The following AUTS2 variants were observed in gnomAD, a reference collection of about 807,000 sequenced individuals.
The protein encoded by AUTS2 is activator of transcription and developmental regulator AUTS2.
A neutral mutation model predicts 112.4 loss-of-function variants in AUTS2; 17 were observed. That is an observed-to-expected ratio of 0.15 (90% CI 0.10 to 0.23). The LOEUF (loss-of-function observed/expected upper bound fraction) is 0.23, where lower values mean the gene tolerates loss of function less well. Among genes scored for constraint, AUTS2 ranks in the 10% least tolerant of loss-of-function variants. The pLI is 1.00. For missense variants in AUTS2, 1,510 were observed against 1,701.6 expected, an observed-to-expected ratio of 0.89 and a Z score of 1.98; for synonymous variants, 751 against 702.7, an observed-to-expected ratio of 1.07 and a Z score of -1.09.
At chr7:70,294,872 G>A (rs1034886779) in intron 4 of AUTS2, among the ~76,000 whole-genome samples, 5 of 151,462 alleles carry the variant, frequency 3.3e-5, no homozygotes, top group East Asian at 4.0e-4. Context: ...CCACAGAAAC[G>A]TAGCAGTTGA....
At chr7:70,075,950 C>G (rs1381160742) in intron 2 of AUTS2, among the ~76,000 whole-genome samples, 2 of 152,184 alleles carry the variant, frequency 1.3e-5, no homozygotes, top group African/African-American at 4.8e-5. Flanking sequence ...CATACAGTCT[C>G]TGGTACAGCT....
intron 1 of AUTS2, among the ~76,000 whole-genome samples, chr7:69,765,363 C>T (rs1437880459): frequency 6.6e-6 from 1 of 152,198 alleles, no homozygotes. Context: ...GAATTCAAAG[C>T]GGGTGTATTC....
chr7:69,893,170 G>C (rs1184387307), intron 1 of AUTS2, among the ~76,000 whole-genome samples: 1 of 152,150 alleles, frequency 6.6e-6, no homozygotes, highest in Non-Finnish European at 1.5e-5. Flanking sequence ...TAAAAGATGT[G>C]AATCTTAGGG....
intron 4 of AUTS2, among the ~76,000 whole-genome samples, chr7:70,141,064 G>A (rs1186524791): frequency 6.6e-6 from 1 of 152,162 alleles, no homozygotes; most frequent in African/African-American, 2.4e-5. Context: ...AAATGTAGCA[G>A]GCTTAAATTG....
chr7:69,732,965 G>GTGTTTAAGGAA (rs1786864575), intron 1 of AUTS2, among the ~76,000 whole-genome samples: 1 of 152,174 alleles, frequency 6.6e-6, no homozygotes, highest in Non-Finnish European at 1.5e-5. Flanking sequence ...CTTGAACATA[G>GTGTTTAAGGAA]ATTGGTGTTT....
chr7:70,051,964 T>C (rs1801774798), intron 2 of AUTS2, among the ~76,000 whole-genome samples: 1 of 152,184 alleles, frequency 6.6e-6, no homozygotes, highest in Non-Finnish European at 1.5e-5. Flanking sequence ...ACAGCCATTG[T>C]GTGGATTTAA....
Position 70,154,102 on chromosome 7 carries a change from C to G in AUTS2, c.660+19531C>G, listed in dbSNP as rs1028946982. ...ACCTTTGATGAAAATATTCCCAGTACTTCTTTAAAGCAGACATCCAACTGT... is the reference window on the plus strand; with the variant it reads ...ACCTTTGATGAAAATATTCCCAGTAGTTCTTTAAAGCAGACATCCAACTGT... On this transcript the variant is annotated intron_variant, in intron 4 of 18. Transcript: ENST00000342771. Among the ~76,000 whole-genome samples the G allele has an allele frequency of 5.9e-5, 9 of 152,294 alleles. No individual in the cohort carries two copies. In the South Asian group the frequency reaches 1.0e-3, roughly 18 times the overall value.
intron 4 of AUTS2, among the ~76,000 whole-genome samples, chr7:70,173,746 A>C (rs1353660815): frequency 6.6e-6 from 1 of 152,106 alleles, no homozygotes; most frequent in African/African-American, 2.4e-5. Context: ...TTTTATTATA[A>C]TTATAACTGT....
intron 4 of AUTS2, among the ~76,000 whole-genome samples, chr7:70,290,158 T>C (rs1226173909): frequency 6.6e-6 from 1 of 152,226 alleles, no homozygotes; most frequent in East Asian, 1.9e-4. Flanking sequence ...TCTCAAAGCA[T>C]GTCTTAGAGG....
At chr7:70,281,107 G>A (rs1447096781) in intron 4 of AUTS2, among the ~76,000 whole-genome samples, 1 of 152,118 alleles carries the variant, frequency 6.6e-6, no homozygotes, top group Non-Finnish European at 1.5e-5. Context: ...TGAACTTTAT[G>A]GATATCGGGG....
chr7:70,164,731 G>A (rs1808291144), intron 4 of AUTS2, among the ~76,000 whole-genome samples: 1 of 151,972 alleles, frequency 6.6e-6, no homozygotes, highest in African/African-American at 2.4e-5. Context: ...GTCCCCCCAT[G>A]CTAACAGCTT....
At chr7:70,690,180 A>G (rs558488406) in intron 5 of AUTS2, among the ~76,000 whole-genome samples, 29 of 152,336 alleles carry the variant, frequency 1.9e-4, no homozygotes, top group Non-Finnish European at 3.7e-4. Context: ...CAGAGCCACA[A>G]TTATTAACCT....
chr7:70,532,376 G>A (rs1426437140), intron 5 of AUTS2, among the ~76,000 whole-genome samples: 1 of 152,088 alleles, frequency 6.6e-6, no homozygotes, highest in African/African-American at 2.4e-5. Flanking sequence ...ACCTTTCATG[G>A]TGCCTAGAAT....
intron 1 of AUTS2, among the ~76,000 whole-genome samples, chr7:69,867,504 G>A (rs1793288004): frequency 6.6e-6 from 1 of 152,122 alleles, no homozygotes; most frequent in African/African-American, 2.4e-5. Context: ...TTTAAAATAT[G>A]GTCGTGAATA....
intron 5 of AUTS2, among the ~76,000 whole-genome samples, chr7:70,661,228 A>C (rs1807053045): frequency 6.6e-6 from 1 of 152,090 alleles, no homozygotes; most frequent in Non-Finnish European, 1.5e-5. Context: ...CAGAAGAAAC[A>C]CAAACTCTCC....
At chr7:70,150,848 G>A (rs1207041964) in intron 4 of AUTS2, among the ~76,000 whole-genome samples, 1 of 152,152 alleles carries the variant, frequency 6.6e-6, no homozygotes, top group African/African-American at 2.4e-5. Flanking sequence ...TGGGCTTTCA[G>A]TAAAGAATAA....
rs532683920 is a variant in AUTS2, at chr7:70,694,438, G to C, written c.691-4131G>C. The C allele has an allele frequency of 0.035, 5,256 of 148,658 alleles. 148 individuals carry two copies. The highest frequency in any genetic ancestry group is 0.055 in the Non-Finnish European group (3,680 of 66,492). The allele number at this position is 148,658 out of a possible 1,614,324, so 9.2% of individuals were successfully genotyped here. A position where few individuals can be genotyped will look rare whatever the true frequency, so the allele number is the denominator to read the frequency against. ...GGCAGCCCGCGGCGCGGCTGGAGAG[G>C]CGGGACCGGCTGTCGGGGAGCCCCG... On this transcript the variant is annotated intron_variant, in intron 5 of 18. Transcript: ENST00000342771. This position sits in a 1 kb window ranked among gnomAD's most constrained non-coding sequence, Gnocchi z 4.1.
At chr7:70,651,222 T>A (rs1806489738) in intron 5 of AUTS2, among the ~76,000 whole-genome samples, 1 of 152,144 alleles carries the variant, frequency 6.6e-6, no homozygotes, top group Non-Finnish European at 1.5e-5. Context: ...TACAAAGAAG[T>A]TAAATAAGGT....
At chr7:69,908,198 C>T (rs1266012413) in intron 2 of AUTS2, among the ~76,000 whole-genome samples, 1 of 152,260 alleles carries the variant, frequency 6.6e-6, no homozygotes, top group Non-Finnish European at 1.5e-5. Flanking sequence ...AGAGAGCCCC[C>T]GAGGCTTGGG....
Sources: gnomAD v4.1 joint callset for allele counts (sites outside exome capture counted in the v4.1 genomes callset) on GRCh38, gnomAD v4.1.1 for gene constraint, Gnocchi (gnomAD v3.1) non-coding constraint, MANE v1.5 for transcripts, NCBI Gene and HGNC (gene_info 2026-07-23, HGNC 2026-07-21) for gene names.